The following DOCK5 variants were observed in gnomAD, a reference collection of about 807,000 sequenced individuals.
DOCK5 encodes the protein dedicator of cytokinesis protein 5.
Under a neutral mutation model 251.8 loss-of-function variants are expected in DOCK5, and 142 were observed. The observed-to-expected ratio is 0.56, with a 90% CI of 0.49 to 0.65. The LOEUF (loss-of-function observed/expected upper bound fraction) is 0.65. Ranked by LOEUF, DOCK5 falls within the 30% of genes least tolerant of loss-of-function variation. DOCK5 has a pLI of 0.00. For missense variants in DOCK5, 2,111 were observed against 2,312.3 expected, an observed-to-expected ratio of 0.91 and a Z score of 1.79; for synonymous variants, 842 against 835.5, an observed-to-expected ratio of 1.01 and a Z score of -0.13.
chr8:25,302,056 T>C (rs1376811206), intron 9 of DOCK5, among the ~76,000 whole-genome samples: 1 of 152,216 alleles, frequency 6.6e-6, no homozygotes, highest in Non-Finnish European at 1.5e-5. Flanking sequence ...GCTGATGAAC[T>C]GGAGACTTCC....
chr8:25,277,028 C>T (rs373878075), intron 4 of DOCK5: 4 of 152,456 alleles, frequency 2.6e-5, no homozygotes, highest in South Asian at 4.1e-4. Flanking sequence ...GTGTGGGAGC[C>T]GATGACTCTT....
rs142909995 is a variant in DOCK5, at chr8:25,298,219, G to A, written c.607-725G>A. ...TTTGTAGTGTTTACTTCTTTAGCAT[G>A]GTCATGATAATATTTGTGTTCTGAA... is the stretch of plus-strand genomic sequence containing the variant. On this transcript the variant is annotated intron_variant, in intron 7 of 51. Coordinates refer to ENST00000276440, the MANE Select transcript of DOCK5 (RefSeq NM_024940.8). Among the ~76,000 whole-genome samples the A allele has an allele frequency of 5.5e-4, 84 of 152,142 alleles. No individual in the cohort carries two copies. The East Asian group carries it at 0.014, about 26-fold the overall frequency.
At chr8:25,363,576 T>G (rs1234266135) in intron 29 of DOCK5, among the ~76,000 whole-genome samples, 2 of 152,256 alleles carry the variant, frequency 1.3e-5, no homozygotes, top group Non-Finnish European at 2.9e-5. Context: ...ATGGCCTTCC[T>G]TGCTTTACAT....
intron 51 of DOCK5, 134 bp downstream of exon 51, chr8:25,410,336 G>A: frequency 1.4e-6 from 1 of 704,366 alleles, no homozygotes; most frequent in Non-Finnish European, 2.4e-6. Context: ...GCTCATTCCT[G>A]AAACCACAGG....
At chr8:25,347,170 G>A (rs539265301) in intron 26 of DOCK5, among the ~76,000 whole-genome samples, 158 of 152,226 alleles carry the variant, frequency 1.0e-3, no homozygotes, top group South Asian at 3.7e-3. Flanking sequence ...TCACTTGTCA[G>A]GGTCCACCAC....
intron 40 of DOCK5, 115 bp from the exon 41 acceptor site, chr8:25,388,973 TTGA>T (rs1361380537): frequency 5.3e-5 from 49 of 921,702 alleles, no homozygotes; most frequent in Non-Finnish European, 7.8e-5. Context: ...CAGTGAGAAC[TTGA>T]TGGTGGGGAT....
chr8:25,369,496 T>C, intron 33 of DOCK5, 60 bp from the exon 34 acceptor site: 12 of 1,481,398 alleles, frequency 8.1e-6, no homozygotes, highest in Non-Finnish European at 1.1e-5. Context: ...TCTAGAAAGT[T>C]GGCCATGTCT....
At chr8:25,312,962 G>A (rs1359382330) in intron 13 of DOCK5, among the ~76,000 whole-genome samples, 1 of 151,912 alleles carries the variant, frequency 6.6e-6, no homozygotes, top group African/African-American at 2.4e-5. Context: ...TAGAACAATC[G>A]TTTCCAGTGC....
chr8:25,332,262 G>T lies in DOCK5; in HGVS notation c.1915G>T (p.Gly639Cys). 1 of 1,613,424 alleles carries T rather than the reference G, an allele frequency of 6.2e-7. No individual in the cohort carries two copies. Among genetic ancestry groups the T allele is most frequent in the Non-Finnish European group, 8.5e-7 (1 of 1,179,602 alleles). Residue 639 changes from glycine (G) to cysteine (C), a missense_variant, in exon 19 of 52, where the codon GGC becomes TGC. Transcript: ENST00000276440. ...GTTGTTCTTCCTAGTTGACCTGTTAGGCTTGTTAAATTGGCGTTCCAACTC... is the reference window on the plus strand; with the variant it reads ...GTTGTTCTTCCTAGTTGACCTGTTATGCTTGTTAAATTGGCGTTCCAACTC... ...TKLTQNVDLL[G>C]LLNWRSNSQN...
chr8:25,355,664 A>G (rs35900599), intron 27 of DOCK5, among the ~76,000 whole-genome samples: 9,095 of 152,084 alleles, frequency 0.06, 311 homozygotes, highest in South Asian at 0.13. Flanking sequence ...TGGCCGGGCT[A>G]GTCTTGATCT....
intron 42 of DOCK5, among the ~76,000 whole-genome samples, chr8:25,391,204 T>G (rs1418107863): frequency 3.5e-3 from 20 of 5,762 alleles, no homozygotes; most frequent in South Asian, 0.034. Flanking sequence ...CACCTGTGTG[T>G]GTGTGTGTGT....
chr8:25,307,797 G>C (rs550734850), intron 11 of DOCK5, among the ~76,000 whole-genome samples: 1 of 152,284 alleles, frequency 6.6e-6, no homozygotes, highest in South Asian at 2.1e-4. Flanking sequence ...GCCAACAGCC[G>C]CAGTGGAGTA....
At chr8:25,299,346 G>T in intron 8 of DOCK5, 1 of 428,252 alleles carries the variant, frequency 2.3e-6, no homozygotes, top group Non-Finnish European at 4.1e-6. Context: ...AGGGCTTGGA[G>T]ATGGGAACAA....
chr8:25,378,880 C>T (rs1801013323), intron 38 of DOCK5, among the ~76,000 whole-genome samples: 1 of 152,100 alleles, frequency 6.6e-6, no homozygotes, highest in African/African-American at 2.4e-5. Context: ...AGAAAGAGTA[C>T]AAAGAGAGGA....
chr8:25,294,943 G>A (rs1243700002), intron 6 of DOCK5, among the ~76,000 whole-genome samples: 1 of 151,994 alleles, frequency 6.6e-6, no homozygotes, highest in Non-Finnish European at 1.5e-5. Flanking sequence ...CCAAAGGGAT[G>A]GTGTTAAACC....
chr8:25,293,335 C>G (rs1025542832), intron 6 of DOCK5, among the ~76,000 whole-genome samples: 1 of 152,084 alleles, frequency 6.6e-6, no homozygotes, highest in Non-Finnish European at 1.5e-5. Context: ...TAGACTCTGA[C>G]AACTATATTC....
At chr8:25,322,862 A>C (rs1357286447) in intron 16 of DOCK5, among the ~76,000 whole-genome samples, 1 of 152,166 alleles carries the variant, frequency 6.6e-6, no homozygotes, top group East Asian at 1.9e-4. Flanking sequence ...GGTGCAATTC[A>C]AGGGTGGTTT....
intron 48 of DOCK5, among the ~76,000 whole-genome samples, chr8:25,405,684 T>G (rs569078942): frequency 9.8e-5 from 15 of 152,326 alleles, no homozygotes; most frequent in African/African-American, 3.6e-4. Flanking sequence ...TAGGATCATG[T>G]TAAATGTATG....
chr8:25,329,552 C>T (rs749463746), intron 18 of DOCK5, among the ~76,000 whole-genome samples: 2 of 152,056 alleles, frequency 1.3e-5, no homozygotes, highest in Non-Finnish European at 2.9e-5. Flanking sequence ...TTGAAATATC[C>T]TGAATTCTTA....
Sources: allele counts gnomAD v4.1 joint callset (sites outside exome capture counted in the v4.1 genomes callset), GRCh38; gene constraint gnomAD v4.1.1; transcripts MANE v1.5; gene names NCBI Gene and HGNC (gene_info 2026-07-23, HGNC 2026-07-21).